Variants in PUS7 observed in about 807,000 individuals in gnomAD.
PUS7 encodes pseudouridine synthase 7, also known as pseudouridylate synthase 7 homolog.
Under a neutral mutation model 79.8 loss-of-function variants are expected in PUS7, and 48 were observed. The observed-to-expected ratio is 0.60, with a 90% CI of 0.48 to 0.76. The LOEUF is 0.76. PUS7 is among the 30% of genes least tolerant of loss of function. PUS7 has a pLI of 0.00. For synonymous variants in PUS7, 286 were observed against 272.2 expected (o/e 1.05, Z -0.50); for missense variants, 729 against 797.6 (o/e 0.91, Z 1.04).
chr7:105,501,662 T>C (rs1385649003), intron 5 of PUS7, among the ~76,000 whole-genome samples: 1 of 151,962 alleles, frequency 6.6e-6, no homozygotes, highest in Non-Finnish European at 1.5e-5. Flanking sequence ...CCTCTTTCAA[T>C]ACAGGGGTCT....
Position 105,482,394 on chromosome 7 carries a change from A to AGT in PUS7, c.965_966dup (p.Phe323ThrfsTer4), listed in dbSNP as rs2133132945. The AGT allele has an allele frequency of 1.2e-6, 2 of 1,612,312 alleles. No homozygotes were observed. The highest frequency in any genetic ancestry group is 1.7e-6 in the Non-Finnish European group (2 of 1,178,656). Reference sequence around the variant, plus strand: ...TGATAGCTGAAATTCCCTAGCTTAAAGTTCATCAAGCACTTATTCAGGTGG... The same window carrying AGT: ...TGATAGCTGAAATTCCCTAGCTTAAAGTGTTCATCAAGCACTTATTCAGGTGG... On this transcript the variant is annotated frameshift_variant, in exon 8 of 16. Transcript: ENST00000469408. LOFTEE classifies it high-confidence loss of function.
intron 7 of PUS7, among the ~76,000 whole-genome samples, chr7:105,484,246 T>C (rs1302736962): frequency 1.3e-5 from 2 of 152,154 alleles, no homozygotes; most frequent in East Asian, 1.9e-4. Context: ...CCAAGCATGA[T>C]TGTTGGCTGA....
At chr7:105,498,697 T>C (rs1210158164) in intron 5 of PUS7, among the ~76,000 whole-genome samples, 1 of 152,262 alleles carries the variant, frequency 6.6e-6, no homozygotes, top group Non-Finnish European at 1.5e-5. Context: ...CTTCAGCTTT[T>C]TCAGGGATCC....
rs377357724 is a variant in PUS7, at chr7:105,462,639, C to T, written c.1739G>A (p.Arg580His). 8.5e-5 allele frequency: 137 copies of T among 1,613,646 alleles called. 1 individual carries two copies. In the East Asian group the frequency reaches 1.6e-3, roughly 19 times the overall value. Reference protein sequence around the residue: ...LSGAYRKIIIRPQNVSWEVVA... With the variant: ...LSGAYRKIIIHPQNVSWEVVA... ...TACTCACCAGCTAACATTCTGAGGA[C>T]GAATAATGATCTTTCGGTAGGCCCC... The change falls in exon 14 of 16, where the codon CGT (arginine) becomes CAT (histidine). Residue 580 changes from arginine (R) to histidine (H), a missense_variant. By Grantham distance (29) the Arg-to-His change is conservative. Coordinates refer to ENST00000469408, the MANE Select transcript of PUS7 (RefSeq NM_019042.5).
At chr7:105,476,995 G>A (rs1824140055) in intron 9 of PUS7, among the ~76,000 whole-genome samples, 1 of 152,122 alleles carries the variant, frequency 6.6e-6, no homozygotes, top group Non-Finnish European at 1.5e-5. Context: ...TCAGATGTAT[G>A]ATTTGAAATA....
At chr7:105,514,552 C>T (rs1016577340) in intron 1 of PUS7, among the ~76,000 whole-genome samples, 1 of 151,434 alleles carries the variant, frequency 6.6e-6, no homozygotes, top group African/African-American at 2.4e-5. Flanking sequence ...TGCAGTGAGC[C>T]GAGATCGCGC....
chr7:105,462,826 T>C, intron 13 of PUS7, 76 bp from the exon 14 acceptor site: 1 of 1,388,430 alleles, frequency 7.2e-7, no homozygotes, highest in Admixed American at 2.1e-5. Context: ...ATAAAGAGAG[T>C]AACAATGTAA....
intron 12 of PUS7, among the ~76,000 whole-genome samples, chr7:105,466,981 G>A (rs1374104963): frequency 6.8e-6 from 1 of 148,004 alleles, no homozygotes; most frequent in East Asian, 2.1e-4. Context: ...TAGTATGCCA[G>A]AGACACACAT....
At chr7:105,479,764 A>C (rs964896945) in intron 9 of PUS7, among the ~76,000 whole-genome samples, 1 of 152,108 alleles carries the variant, frequency 6.6e-6, no homozygotes, top group Non-Finnish European at 1.5e-5. Flanking sequence ...TAGGGAGGCC[A>C]AGACGGGCAG....
intron 9 of PUS7, among the ~76,000 whole-genome samples, chr7:105,480,732 C>A (rs374409112): frequency 6.6e-6 from 1 of 152,102 alleles, no homozygotes. Context: ...GCCGAGATTG[C>A]GCTATTGCAC....
At chr7:105,521,598 G>C (rs1395727007) in intron 1 of PUS7, among the ~76,000 whole-genome samples, 4 of 152,256 alleles carry the variant, frequency 2.6e-5, no homozygotes. Flanking sequence ...GAACACGTGG[G>C]CTGGACCCAC....
At position 105,476,451 on chromosome 7, in the gene PUS7, G is replaced by A. The variant is rs572734896; in HGVS notation, c.1176-4258C>T. 1.4e-3 allele frequency among the ~76,000 whole-genome samples: 208 copies of A among 152,168 alleles called. 1 individual carries two copies. The highest frequency in any genetic ancestry group is 0.013 in the South Asian group (62 of 4,814). On this transcript the variant is annotated intron_variant, in intron 9 of 15. Coordinates refer to ENST00000469408, the MANE Select transcript of PUS7 (RefSeq NM_019042.5). ...CAGCTTACTGCAACCTCTGCTTCCCGGGTTCAAGCAATTCTCCTGCCTCAG... is the reference window on the plus strand; with the variant it reads ...CAGCTTACTGCAACCTCTGCTTCCCAGGTTCAAGCAATTCTCCTGCCTCAG...
intron 13 of PUS7, among the ~76,000 whole-genome samples, chr7:105,463,584 T>A (rs1415473127): frequency 6.6e-6 from 1 of 152,162 alleles, no homozygotes; most frequent in South Asian, 2.1e-4. Flanking sequence ...CTATCGGCAT[T>A]TGATCACTGG....
At chr7:105,511,898 C>A (rs1184497875) in intron 1 of PUS7, among the ~76,000 whole-genome samples, 1 of 152,020 alleles carries the variant, frequency 6.6e-6, no homozygotes, top group Non-Finnish European at 1.5e-5. Context: ...GTAATCCCAA[C>A]ACTTTGGGAG....
At chr7:105,494,903 G>T (rs556441115) in intron 6 of PUS7, among the ~76,000 whole-genome samples, 1 of 150,428 alleles carries the variant, frequency 6.6e-6, no homozygotes, top group African/African-American at 2.4e-5. Context: ...CTGAGCCCAG[G>T]AAGTCAAGGC....
rs1823251182 is a variant in PUS7 at position 105,457,870 on chromosome 7, T to C, written c.1906A>G (p.Thr636Ala). 2.5e-6 allele frequency: 4 copies of C among 1,613,950 alleles called. No individual in the cohort carries two copies. Among genetic ancestry groups the C allele is most frequent in the African/African-American group, 1.3e-5 (1 of 74,932 alleles). ...DFSLPPSTYA[T>A]MAIREVLKMD... ...TTTAGCACTTCTCGAATGGCCATGG[T>C]GGCGTAAGTAGAAGGGGGTAGAGAA... Residue 636 changes from threonine (T) to alanine (A), a missense_variant, in exon 16 of 16, where the codon ACC becomes GCC. Coordinates refer to ENST00000469408, the MANE Select transcript of PUS7 (RefSeq NM_019042.5).
rs1273249624 is a variant in PUS7, at chr7:105,476,494, A to C, written c.1176-4301T>G. On this transcript the variant is annotated intron_variant, in intron 9 of 15. Coordinates refer to ENST00000469408, the MANE Select transcript of PUS7 (RefSeq NM_019042.5). ...TGCCTCAGCCTCCTGAGTAGCTGGG[A>C]CTACAGGCATGTGCCACCACGCCCG... is the stretch of plus-strand genomic sequence containing the variant. Among the ~76,000 whole-genome samples, 3 of 152,016 alleles carry C rather than the reference A, an allele frequency of 2.0e-5. No homozygotes were observed. In the South Asian group the frequency reaches 6.2e-4, roughly 32 times the overall value.
At chr7:105,469,366 C>T (rs1402463389) in intron 11 of PUS7, among the ~76,000 whole-genome samples, 2 of 152,072 alleles carry the variant, frequency 1.3e-5, no homozygotes, top group Non-Finnish European at 2.9e-5. Context: ...TCTCAGCTCA[C>T]TGCAACTTCC....
intron 9 of PUS7, among the ~76,000 whole-genome samples, chr7:105,479,724 A>C (rs2133120384): frequency 6.6e-6 from 1 of 152,324 alleles, no homozygotes; most frequent in East Asian, 1.9e-4. Context: ...GGGCCCAGGC[A>C]CAGTGGCTCA....
Sources: allele counts gnomAD v4.1 joint callset (sites outside exome capture counted in the v4.1 genomes callset), GRCh38; gene constraint gnomAD v4.1.1; transcripts MANE v1.5; gene names NCBI Gene and HGNC (gene_info 2026-07-23, HGNC 2026-07-21).